Variants in SIPA1L3 observed in about 807,000 individuals in gnomAD.
SIPA1L3 encodes the protein signal induced proliferation associated 1 like 3, also known as signal-induced proliferation-associated 1-like protein 3.
SIPA1L3 carries 59 observed loss-of-function variants against 150.1 expected under a neutral mutation model. The ratio of observed to expected loss-of-function variants is 0.39; its 90% CI spans 0.32 to 0.49. The LOEUF (loss-of-function observed/expected upper bound fraction) is 0.49. Ranked by LOEUF, SIPA1L3 falls within the 20% of genes least tolerant of loss-of-function variation. The probability of loss-of-function intolerance (pLI) is 0.86; values close to 1 mark genes in which losing one functional copy is unlikely to be tolerated. For missense variants in SIPA1L3, 2,211 were observed against 2,489.5 expected (o/e 0.89, Z 2.38); for synonymous variants, 1,070 against 1,077.6 (o/e 0.99, Z 0.14).
At chr19:38,153,645 G>A (rs896414211) in intron 13 of SIPA1L3, among the ~76,000 whole-genome samples, 15 of 146,800 alleles carry the variant, frequency 1.0e-4, no homozygotes, top group African/African-American at 3.6e-4. Flanking sequence ...ACTCCAGCCT[G>A]GGTGACAGAG....
chr19:38,188,858 G>C (rs1972745752), intron 16 of SIPA1L3, among the ~76,000 whole-genome samples: 1 of 151,516 alleles, frequency 6.6e-6, no homozygotes, highest in South Asian at 2.1e-4. Flanking sequence ...CGGAGGCGGA[G>C]CTTGCAGTGA....
intron 1 of SIPA1L3, among the ~76,000 whole-genome samples, chr19:37,966,737 A>G (rs1369340034): frequency 2.0e-5 from 3 of 152,164 alleles, no homozygotes; most frequent in African/African-American, 7.2e-5. Context: ...ACACTCATTC[A>G]TGCCCACTTA....
Position 38,113,938 on chromosome 19 carries a change from C to G in SIPA1L3, c.2291+3554C>G, listed in dbSNP as rs534470198. Among the ~76,000 whole-genome samples the G allele has an allele frequency of 2.0e-5, 3 of 152,218 alleles. No individual in the cohort carries two copies. The East Asian group carries it at 5.8e-4, about 29-fold the overall frequency. On this transcript the variant is annotated intron_variant, in intron 8 of 21. Coordinates refer to ENST00000222345, the MANE Select transcript of SIPA1L3 (RefSeq NM_015073.3). ...CAAGTGTGCAATTTCCGAATGGCCA[C>G]CCGCATCATCCCTGCAGCCTGTGGA...
At chr19:38,093,344 T>G (rs1970303361) in intron 4 of SIPA1L3, among the ~76,000 whole-genome samples, 1 of 152,158 alleles carries the variant, frequency 6.6e-6, no homozygotes, top group African/African-American at 2.4e-5. Flanking sequence ...AGACGTCCTG[T>G]GAGTCCTAGT....
intron 1 of SIPA1L3, among the ~76,000 whole-genome samples, chr19:37,988,353 A>T (rs1967414722): frequency 6.6e-6 from 1 of 151,988 alleles, no homozygotes; most frequent in Non-Finnish European, 1.5e-5. Context: ...TGTCTCTACA[A>T]AAAATTTTAT....
chr19:38,081,147 A>G (rs1969968569), intron 2 of SIPA1L3, 109 bp from the exon 3 acceptor site: 7 of 398,948 alleles, frequency 1.8e-5, no homozygotes, highest in Non-Finnish European at 2.2e-5. Context: ...TTTCCATAAT[A>G]AAAAGATTTT....
Position 37,998,531 on chromosome 19 carries a change from C to T in SIPA1L3, c.-378-30558C>T, listed in dbSNP as rs747835466. 1.0e-3 allele frequency among the ~76,000 whole-genome samples: 158 copies of T among 152,144 alleles called. 1 individual carries two copies. Among genetic ancestry groups the T allele is most frequent in the Non-Finnish European group, 7.6e-4 (52 of 68,028 alleles). ...GTGTGGTGCCACACATGTGTATTCC[C>T]GGCACTTTGGGAGACCAAGGTGGGA... On this transcript the variant is annotated intron_variant, in intron 1 of 21. Transcript: ENST00000222345.
intron 1 of SIPA1L3, among the ~76,000 whole-genome samples, chr19:38,003,299 A>G (rs941189008): frequency 1.3e-5 from 2 of 152,198 alleles, no homozygotes; most frequent in Non-Finnish European, 2.9e-5. Flanking sequence ...GCAGAGCCAT[A>G]TGGATAAGTA....
At chr19:38,165,879 C>T (rs929070570) in intron 15 of SIPA1L3, among the ~76,000 whole-genome samples, 4 of 152,322 alleles carry the variant, frequency 2.6e-5, no homozygotes, top group Non-Finnish European at 4.4e-5. Flanking sequence ...TCTCCTGCCT[C>T]GGCCTCCCGA....
At chr19:38,056,807 T>A (rs770903442) in intron 2 of SIPA1L3, among the ~76,000 whole-genome samples, 3 of 152,178 alleles carry the variant, frequency 2.0e-5, no homozygotes, top group Non-Finnish European at 4.4e-5. Flanking sequence ...CCCACACCTG[T>A]AATTCCAACA....
At position 38,082,978 on chromosome 19, in the gene SIPA1L3, C is replaced by T. The variant is rs1970042774; in HGVS notation, c.1413C>T (p.Ala471=). The change falls in exon 3 of 22, where the codon GCC becomes GCT. Residue 471 remains alanine, a synonymous_variant. Transcript: ENST00000222345. ...EPALSAYRTN[A]SISVLEVPKE... ...CCCTGAGCGCCTACCGCACCAACGC[C>T]AGCATCTCGGTGTTGGAAGTTCCCA... is the stretch of plus-strand genomic sequence containing the variant. 6.2e-7 allele frequency: 1 copy of T among 1,613,078 alleles called. No individual in the cohort carries two copies. Among genetic ancestry groups the T allele is most frequent in the Admixed American group, 1.7e-5 (1 of 60,002 alleles).
At chr19:37,913,357 G>T (rs1250408969) in intron 1 of SIPA1L3, among the ~76,000 whole-genome samples, 1 of 152,054 alleles carries the variant, frequency 6.6e-6, no homozygotes, top group African/African-American at 2.4e-5. Context: ...GCTGTCCTAG[G>T]GTTTACATTC....
chr19:38,014,652 A>G (rs967739767), intron 1 of SIPA1L3, among the ~76,000 whole-genome samples: 1 of 137,874 alleles, frequency 7.3e-6, no homozygotes, highest in Non-Finnish European at 1.5e-5. Flanking sequence ...TCCTGGGCTC[A>G]AGCGATCCTC....
intron 1 of SIPA1L3, among the ~76,000 whole-genome samples, chr19:38,018,156 CT>C (rs34874664): frequency 1.5e-3 from 95 of 61,330 alleles, no homozygotes; most frequent in African/African-American, 3.3e-3. Context: ...CTTTGAGTGT[CT>C]TTTTTTTTTT....
chr19:38,200,444 T>A, intron 19 of SIPA1L3: 1 of 152,092 alleles, frequency 6.6e-6, no homozygotes, highest in Non-Finnish European at 1.5e-5. Context: ...ATGGAGCAGG[T>A]CAGAACTCCC....
At chr19:38,104,263 C>T (rs1673294302) in intron 6 of SIPA1L3, among the ~76,000 whole-genome samples, 1 of 152,226 alleles carries the variant, frequency 6.6e-6, no homozygotes, top group African/African-American at 2.4e-5. Flanking sequence ...CTGAAGGAGG[C>T]TGTAGGAGGA....
chr19:38,200,371 G>A (rs1973059433), intron 19 of SIPA1L3: 1 of 152,156 alleles, frequency 6.6e-6, no homozygotes, highest in African/African-American at 2.4e-5. Context: ...TCAATATGGT[G>A]ACCTCCAGGG....
intron 1 of SIPA1L3, among the ~76,000 whole-genome samples, chr19:37,921,362 G>T (rs2046456190): frequency 1.3e-5 from 2 of 152,184 alleles, no homozygotes; most frequent in South Asian, 4.1e-4. Context: ...GGCTTCTCCT[G>T]ATGGTGTGCT....
intron 9 of SIPA1L3, among the ~76,000 whole-genome samples, chr19:38,124,713 T>C (rs1287768951): frequency 3.3e-5 from 5 of 152,288 alleles, no homozygotes; most frequent in Non-Finnish European, 7.4e-5. Flanking sequence ...CTGGGCACCA[T>C]TGAGCACTGA....
Sources: gnomAD v4.1 joint callset for allele counts (sites outside exome capture counted in the v4.1 genomes callset) on GRCh38, gnomAD v4.1.1 for gene constraint, MANE v1.5 for transcripts, NCBI Gene and HGNC (gene_info 2026-07-23, HGNC 2026-07-21) for gene names.